Variants in CCDC144A observed in about 807,000 individuals in gnomAD.
The protein encoded by CCDC144A is coiled-coil domain containing 144A.
Under a neutral mutation model 143.8 loss-of-function variants are expected in CCDC144A, and 41 were observed. The ratio of observed to expected loss-of-function variants is 0.29; its 90% confidence interval spans 0.22 to 0.37. CCDC144A has a LOEUF of 0.37. Among genes scored for constraint, CCDC144A ranks in the 10% least tolerant of loss-of-function variants. The pLI, the probability that CCDC144A is intolerant of heterozygous loss-of-function variation, is 1.00. For synonymous variants in CCDC144A, 242 were observed against 517.9 expected (o/e 0.47, Z 7.23); for missense variants, 637 against 1,488.8 (o/e 0.43, Z 9.41).
chr17:16,769,930 C>T (rs1222177984), intron 15 of CCDC144A, among the ~76,000 whole-genome samples: 3 of 151,698 alleles, frequency 2.0e-5, no homozygotes, highest in East Asian at 2.0e-4. Context: ...CGGGTTCAAG[C>T]GATTCTCCTG....
chr17:16,671,085 C>T, the CCDC144A span, among the ~76,000 whole-genome samples: 1 of 151,652 alleles, frequency 6.6e-6, no homozygotes, highest in Admixed American at 6.6e-5. Context: ...TTGCTGAGTT[C>T]AAGCGATTCT....
rs1445939358 is a variant in CCDC144A at position 16,709,551 on chromosome 17, C to A, written c.1494C>A (p.Asp498Glu). The change falls in exon 5 of 17, where the codon GAC (aspartate) becomes GAA (glutamate). Residue 498 changes from aspartate (D) to glutamate (E), a missense_variant. Transcript: ENST00000399273. The part of the protein sequence containing the change: ...EVYLHEELQQ[D>E]MQKFKNEVNT... ...ATCTACATGAAGAATTACAGCAAGACATGCAAAAGTTTAAGAATGAGGTCA... is the reference window on the plus strand; with the variant it reads ...ATCTACATGAAGAATTACAGCAAGAAATGCAAAAGTTTAAGAATGAGGTCA... 6 of 1,611,508 alleles carry A rather than the reference C, an allele frequency of 3.7e-6. No homozygotes were observed. Among genetic ancestry groups the A allele is most frequent in the Non-Finnish European group, 5.1e-6 (6 of 1,179,644 alleles).
Position 16,709,330 on chromosome 17 carries a change from G to A in CCDC144A, c.1273G>A (p.Ala425Thr), listed in dbSNP as rs1912252333. 2 of 1,611,500 alleles carry A rather than the reference G, an allele frequency of 1.2e-6. No homozygotes were observed. The highest frequency in any genetic ancestry group is 2.7e-5 in the African/African-American group (2 of 74,942). Residue 425 changes from alanine to threonine, a missense_variant, in exon 5 of 17, where the codon GCA (alanine) becomes ACA (threonine). Ala to Thr is a moderately conservative substitution (Grantham distance 58, BLOSUM62 0). Coordinates refer to ENST00000399273, the MANE Select transcript of CCDC144A (RefSeq NM_001382000.1). Reference protein sequence around the residue: ...FSTDKNFHNDASTKKARNPEV... With the variant: ...FSTDKNFHNDTSTKKARNPEV... The stretch of plus-strand genomic sequence containing the variant: ...TACAGATAAGAACTTTCATAATGAT[G>A]CAAGCACTAAGAAAGCAAGGAACCC...
intron 9 of CCDC144A, among the ~76,000 whole-genome samples, chr17:16,728,199 C>A (rs1913526401): frequency 6.6e-6 from 1 of 152,082 alleles, no homozygotes; most frequent in East Asian, 1.9e-4. Flanking sequence ...TCATGCTTGG[C>A]TAACTTTTTA....
chr17:16,746,832 C>T, intron 12 of CCDC144A: 11 of 1,027,684 alleles, frequency 1.1e-5, no homozygotes, highest in Non-Finnish European at 1.5e-5. Context: ...CCGCGTACCG[C>T]GCTGGGAGGC....
At chr17:16,677,108 C>T in the CCDC144A span, among the ~76,000 whole-genome samples, 1 of 152,036 alleles carries the variant, frequency 6.6e-6, no homozygotes, top group Non-Finnish European at 1.5e-5. Flanking sequence ...CTCCAGTTGA[C>T]CCCTATATCC....
At chr17:16,675,835 C>T in the CCDC144A span, among the ~76,000 whole-genome samples, 11 of 151,944 alleles carry the variant, frequency 7.2e-5, no homozygotes, top group East Asian at 7.7e-4. Flanking sequence ...CTCCTCCTCC[C>T]GGGTTCACGC....
intron 2 of CCDC144A, among the ~76,000 whole-genome samples, chr17:16,697,957 G>GA (rs1489093477): frequency 1.7e-4 from 26 of 152,274 alleles, no homozygotes; most frequent in Non-Finnish European, 2.6e-4. Flanking sequence ...GTATAGAGGA[G>GA]AGCAGCAGGT....
intron 8 of CCDC144A, among the ~76,000 whole-genome samples, chr17:16,726,203 A>C (rs933028094): frequency 4.0e-5 from 6 of 151,416 alleles, no homozygotes; most frequent in Non-Finnish European, 8.8e-5. Context: ...ACGGTGAAAC[A>C]CCATCTCTAC....
At position 16,709,266 on chromosome 17, in the gene CCDC144A, C is replaced by T. The variant is rs780264088; in HGVS notation, c.1209C>T (p.Cys403=). The T allele has an allele frequency of 3.7e-5, 60 of 1,611,420 alleles. No individual in the cohort carries two copies. The highest frequency in any genetic ancestry group is 1.3e-4 in the African/African-American group (10 of 74,776). The change falls in exon 5 of 17, where the codon TGC becomes TGT. Residue 403 remains cysteine (C), a synonymous_variant. Transcript: ENST00000399273. The part of the protein sequence containing the change: ...KFHLHENKLD[C]DNDNKPGIGH... ...ATTTACATGAAAATAAATTAGACTGCGACAATGATAACAAACCAGGCATTG... is the reference window on the plus strand; with the variant it reads ...ATTTACATGAAAATAAATTAGACTGTGACAATGATAACAAACCAGGCATTG...
chr17:16,682,836 C>A, the CCDC144A span, among the ~76,000 whole-genome samples: 1 of 140,094 alleles, frequency 7.1e-6, no homozygotes, highest in African/African-American at 2.6e-5. Flanking sequence ...GGTGAGAAAC[C>A]ATATTGGAGT....
chr17:16,686,163 T>C (rs1181022743), upstream of CCDC144A, among the ~76,000 whole-genome samples: 4 of 150,506 alleles, frequency 2.7e-5, no homozygotes, highest in Non-Finnish European at 4.4e-5. Flanking sequence ...TGGCGCGATT[T>C]CAGCTCACTC....
chr17:16,683,802 C>T, the CCDC144A span: 1 of 1,447,442 alleles, frequency 6.9e-7, no homozygotes, highest in Non-Finnish European at 9.7e-7. Flanking sequence ...AGCGTGAAGC[C>T]GAGCGTGAAG....
chr17:16,747,591 T>C (rs1914596572), intron 12 of CCDC144A, among the ~76,000 whole-genome samples: 1 of 152,372 alleles, frequency 6.6e-6, no homozygotes, highest in East Asian at 1.9e-4. Context: ...CTATTTGGTG[T>C]CATGATTTTT....
intron 12 of CCDC144A, among the ~76,000 whole-genome samples, chr17:16,744,638 C>A (rs1914409591): frequency 6.6e-6 from 1 of 151,850 alleles, no homozygotes; most frequent in Non-Finnish European, 1.5e-5. Flanking sequence ...TAAATACATT[C>A]TTTCATTGTT....
chr17:16,711,710 A>G lies in CCDC144A; in HGVS notation c.1610A>G (p.Asn537Ser). The G allele has an allele frequency of 6.3e-7, 1 of 1,596,270 alleles. No homozygotes were observed. The highest frequency in any genetic ancestry group is 8.6e-7 in the Non-Finnish European group (1 of 1,166,478). Residue 537 changes from asparagine to serine, a missense_variant, in exon 6 of 17, where the codon AAT (asparagine) becomes AGT (serine). Physicochemically the swap from Asn to Ser is conservative, Grantham distance 46 (BLOSUM62 1). Transcript: ENST00000399273. ...GAAGAAATGGAGAAGCACAGAAGTA[A>G]TAGCACAGAATTATCAGGAACCCTA... ...VEEEMEKHRS[N>S]STELSGTLTD...
At chr17:16,769,314 T>C (rs574244732) in intron 15 of CCDC144A, among the ~76,000 whole-genome samples, 312 of 152,334 alleles carry the variant, frequency 2.0e-3, no homozygotes, top group African/African-American at 7.3e-3. Flanking sequence ...AGAGAGAGTC[T>C]AAGTCCTCAT....
chr17:16,726,402 T>G (rs2649290), intron 8 of CCDC144A, among the ~76,000 whole-genome samples: 14,996 of 138,490 alleles, frequency 0.11, 1,045 homozygotes, highest in Non-Finnish European at 0.14. Context: ...AAAAGAGAGA[T>G]AAAAAAAAAA....
chr17:16,721,731 T>C (rs892296837), intron 8 of CCDC144A, among the ~76,000 whole-genome samples: 1 of 150,776 alleles, frequency 6.6e-6, no homozygotes, highest in Admixed American at 6.6e-5. Flanking sequence ...AAATGGTCTC[T>C]GTCACAGCCA....
Sources: allele counts gnomAD v4.1 joint callset (sites outside exome capture counted in the v4.1 genomes callset), GRCh38; gene constraint gnomAD v4.1.1; transcripts MANE v1.5; gene names NCBI Gene and HGNC (gene_info 2026-07-23, HGNC 2026-07-21).